The following DOCK10 variants were observed in gnomAD, a reference collection of about 807,000 sequenced individuals.
DOCK10 encodes dedicator of cytokinesis protein 10.
In DOCK10, 145 loss-of-function variants were observed where a neutral mutation model predicts 280.1. That is an observed-to-expected ratio of 0.52 (90% CI 0.45 to 0.59). DOCK10 has a LOEUF of 0.59. Ranked by LOEUF, DOCK10 falls within the 20% of genes least tolerant of loss-of-function variation. The pLI, the probability that DOCK10 is intolerant of heterozygous loss-of-function variation, is 0.00. For missense variants in DOCK10, 2,368 were observed against 2,651.7 expected (o/e 0.89, Z 2.35); for synonymous variants, 915 against 942.2 (o/e 0.97, Z 0.53).
Position 224,823,638 on chromosome 2 carries a change from G to A in DOCK10, c.3046C>T (p.Pro1016Ser). The A allele has an allele frequency of 6.3e-7, 1 of 1,593,118 alleles. No homozygotes were observed. The highest frequency in any genetic ancestry group is 8.5e-7 in the Non-Finnish European group (1 of 1,172,850). ...TGGTAAGATTCAGGAAATCTCTGAGGCCGGGGAAGCTAAGGAAAGAACGGA... is the reference window on the plus strand; with the variant it reads ...TGGTAAGATTCAGGAAATCTCTGAGACCGGGGAAGCTAAGGAAAGAACGGA... ...IDTNKIQLPR[P>S]QRFPESYQNE... Residue 1016 changes from proline to serine, a missense_variant, in exon 28 of 56, where the codon CCT (proline) becomes TCT (serine). This residue lies in a region of DOCK10 where 1,209 missense variants were observed against 1,250.9 expected (regional missense o/e 0.97). Coordinates refer to ENST00000258390, the MANE Select transcript of DOCK10 (RefSeq NM_014689.3).
intron 3 of DOCK10, among the ~76,000 whole-genome samples, chr2:224,913,377 A>G (rs1444433822): frequency 6.6e-6 from 1 of 152,122 alleles, no homozygotes; most frequent in Non-Finnish European, 1.5e-5. Flanking sequence ...CTCTTAGCCT[A>G]CTGCATTTCT....
In DOCK10 at chr2:224,848,079, A is replaced by G. The variant is rs192848005; in HGVS notation, c.2235+1428T>C. On this transcript the variant is annotated intron_variant, in intron 19 of 55. Transcript: ENST00000258390. ...GATTGTTGGGAAGGCTCAAAAGCCA[A>G]GAAATGTGGGCAGCCTCTGGAAGCT... Among the ~76,000 whole-genome samples, 48 of 152,328 alleles carry G rather than the reference A, an allele frequency of 3.2e-4. No homozygotes were observed. The East Asian group carries it at 8.3e-3, about 26-fold the overall frequency.
rs1690445766 is a variant in DOCK10 at position 225,042,048 on chromosome 2, CG to C, written c.123+203del. 6.6e-6 allele frequency among the ~76,000 whole-genome samples: 1 copy of C among 152,206 alleles called. No homozygotes were observed. The highest frequency in any genetic ancestry group is 1.5e-5 in the Non-Finnish European group (1 of 68,028). ...TCTGAGCGTCCCGCGTGCACAAACGCGCCCCCGGTCCTTACGCGTCGGTGGC... is the reference window on the plus strand; with the variant it reads ...TCTGAGCGTCCCGCGTGCACAAACGCCCCCCGGTCCTTACGCGTCGGTGGC... On this transcript the variant is annotated intron_variant, in intron 1 of 55. Coordinates refer to ENST00000258390, the MANE Select transcript of DOCK10 (RefSeq NM_014689.3). The surrounding 1 kb of genome is among the most constrained non-coding windows in gnomAD (Gnocchi z 5.1).
intron 26 of DOCK10, among the ~76,000 whole-genome samples, chr2:224,832,106 T>C (rs947207702): frequency 2.6e-5 from 4 of 152,194 alleles, no homozygotes; most frequent in African/African-American, 9.7e-5. Context: ...ACGCACCCCT[T>C]GCATCCTCTC....
Position 224,845,322 on chromosome 2 carries a change from C to T in DOCK10, c.2362G>A (p.Gly788Arg), listed in dbSNP as rs1417312622. 6.3e-7 allele frequency: 1 copy of T among 1,589,652 alleles called. No homozygotes were observed. Among genetic ancestry groups the T allele is most frequent in the Non-Finnish European group, 8.6e-7 (1 of 1,166,880 alleles). The change falls in exon 21 of 56, where the codon GGA becomes AGA. Residue 788 changes from glycine (G) to arginine (R), a missense_variant and splice_region_variant. This residue lies in a region of DOCK10 where 1,209 missense variants were observed against 1,250.9 expected (regional missense o/e 0.97). Transcript: ENST00000258390. ...TTCATCAGAGGAAGCCAAGCATATC[C>T]AACTGTGCAAAAGAATAACCAACAA... ...KKKEALETSV[G>R]YAWLPLMKHD...
chr2:224,906,301 G>A (rs1206279473), intron 3 of DOCK10, among the ~76,000 whole-genome samples: 1 of 152,036 alleles, frequency 6.6e-6, no homozygotes, highest in East Asian at 1.9e-4. Flanking sequence ...CTATCTGTTA[G>A]TACAGCTCTT....
chr2:225,035,831 G>A (rs35315050), intron 1 of DOCK10, among the ~76,000 whole-genome samples: 23,675 of 150,748 alleles, frequency 0.16, 2,530 homozygotes, highest in Non-Finnish European at 0.21. Flanking sequence ...GTAGTTGGCC[G>A]CCTTCTTGTT....
rs1002981877 is a variant in DOCK10, at chr2:225,042,165, GC to G, written c.123+86del. 361 of 1,202,292 alleles carry G rather than the reference GC, an allele frequency of 3.0e-4. No homozygotes were observed. Among genetic ancestry groups the G allele is most frequent in the Non-Finnish European group, 3.6e-4 (344 of 966,238 alleles). The allele number at this position is 1,202,292 out of a possible 1,614,324, so 74.5% of individuals were successfully genotyped here. A position where few individuals can be genotyped will look rare whatever the true frequency, so the allele number is the denominator to read the frequency against. On this transcript the variant is annotated intron_variant, in intron 1 of 55. Coordinates refer to ENST00000258390, the MANE Select transcript of DOCK10 (RefSeq NM_014689.3). The surrounding 1 kb of genome is among the most constrained non-coding windows in gnomAD (Gnocchi z 5.1). ...GGACCCGTGAGCTGCGGGGACCTGG[GC>G]CCGCCGAGCTTTTGGGGAAGCTGGG... is the stretch of plus-strand genomic sequence containing the variant.
At chr2:225,036,690 CT>C (rs80352719) in intron 1 of DOCK10, among the ~76,000 whole-genome samples, 7,428 of 152,244 alleles carry the variant, frequency 0.049, 400 homozygotes, top group East Asian at 0.19. Context: ...AATATCTTGT[CT>C]CTTAAGTTTC....
At chr2:224,863,742 C>A (rs374344556) in intron 13 of DOCK10, among the ~76,000 whole-genome samples, 4 of 152,176 alleles carry the variant, frequency 2.6e-5, no homozygotes, top group Non-Finnish European at 4.4e-5. Context: ...TGAGCCACTG[C>A]GCCCGGCCTT....
intron 1 of DOCK10, among the ~76,000 whole-genome samples, chr2:225,037,080 C>T (rs765504540): frequency 2.0e-5 from 3 of 152,146 alleles, no homozygotes; most frequent in Non-Finnish European, 4.4e-5. Context: ...ACACACAATG[C>T]ATTGAGGAAT....
intron 23 of DOCK10, among the ~76,000 whole-genome samples, chr2:224,840,660 G>C (rs1033099322): frequency 7.2e-5 from 11 of 152,082 alleles, no homozygotes; most frequent in Admixed American, 7.2e-4. Context: ...CACATTGCTG[G>C]TAAGAATGTA....
intron 3 of DOCK10, among the ~76,000 whole-genome samples, chr2:224,902,516 T>C (rs992364573): frequency 6.6e-6 from 1 of 152,112 alleles, no homozygotes; most frequent in Non-Finnish European, 1.5e-5. Context: ...TGAAATTGAG[T>C]TTAGGCAAAT....
In DOCK10 at chr2:224,852,917, C is replaced by T; in HGVS notation, c.2076+18G>A. 1 of 1,554,184 alleles carries T rather than the reference C, an allele frequency of 6.4e-7. No homozygotes were observed. The highest frequency in any genetic ancestry group is 8.7e-7 in the Non-Finnish European group (1 of 1,143,772). ...ACGGTGAAAAGAAAAGATGATATCT[C>T]TGGAACTTATATCATACCTTGTTGA... On this transcript the variant is annotated intron_variant, in intron 17 of 55. Coordinates refer to ENST00000258390, the MANE Select transcript of DOCK10 (RefSeq NM_014689.3).
At chr2:224,961,460 TTC>T (rs1491124525) in intron 1 of DOCK10, among the ~76,000 whole-genome samples, 2 of 132,982 alleles carry the variant, frequency 1.5e-5, no homozygotes, top group African/African-American at 5.3e-5. Context: ...CTTTCTTTCT[TTC>T]TTTCTTTTTC....
chr2:224,908,795 C>G (rs776901794), intron 3 of DOCK10, among the ~76,000 whole-genome samples: 7 of 152,168 alleles, frequency 4.6e-5, no homozygotes, highest in Non-Finnish European at 1.0e-4. Flanking sequence ...TTGCACCCAG[C>G]CTGCTTCTGT....
At chr2:224,984,751 T>C (rs2126261143) in intron 1 of DOCK10, among the ~76,000 whole-genome samples, 1 of 152,088 alleles carries the variant, frequency 6.6e-6, no homozygotes, top group South Asian at 2.1e-4. Context: ...ATGTTTTACA[T>C]AGCAAATTAA....
chr2:225,013,905 A>T (rs953096160), intron 1 of DOCK10, among the ~76,000 whole-genome samples: 2 of 152,060 alleles, frequency 1.3e-5, no homozygotes, highest in Admixed American at 1.3e-4. Flanking sequence ...AGGCAATAGT[A>T]AGTGACAAAA....
chr2:224,907,896 A>G (rs182584698), intron 3 of DOCK10, among the ~76,000 whole-genome samples: 2 of 152,332 alleles, frequency 1.3e-5, no homozygotes, highest in East Asian at 3.9e-4. Context: ...TCACATTTAC[A>G]TTAGCATTTC....
Sources: gnomAD v4.1 joint callset for allele counts (sites outside exome capture counted in the v4.1 genomes callset) on GRCh38, gnomAD v4.1.1 for gene constraint, gnomAD v4.1.1 regional missense constraint, Gnocchi (gnomAD v3.1) non-coding constraint, MANE v1.5 for transcripts, NCBI Gene and HGNC (gene_info 2026-07-23, HGNC 2026-07-21) for gene names.